Variants in ZNF831 observed in about 807,000 individuals in gnomAD.
The protein encoded by ZNF831 is zinc finger protein 831, also known as chromosome 20 open reading frame 174.
A neutral mutation model predicts 95.8 loss-of-function variants in ZNF831; 59 were observed. The ratio of observed to expected loss-of-function variants is 0.62; its 90% CI spans 0.50 to 0.77. ZNF831 has a LOEUF of 0.77. Ranked by LOEUF, ZNF831 falls within the 30% of genes least tolerant of loss-of-function variation. The pLI, the probability that ZNF831 is intolerant of heterozygous loss-of-function variation, is 0.00. For synonymous variants in ZNF831, 961 were observed against 925.5 expected, an observed-to-expected ratio of 1.04 and a Z score of -0.70; for missense variants, 2,205 against 2,164.0, an observed-to-expected ratio of 1.02 and a Z score of -0.38.
chr20:59,194,580 C>A lies in ZNF831; in HGVS notation c.3561C>A (p.Cys1187Ter), dbSNP rs2146601790. ...LKAEPRLTWC[C>*]LSRSVPLPAE... ...CTGAGCCGCGGCTCACGTGGTGTTGCCTGAGCCGCAGTGTCCCTCTGCCCG... is the reference window on the plus strand; with the variant it reads ...CTGAGCCGCGGCTCACGTGGTGTTGACTGAGCCGCAGTGTCCCTCTGCCCG... The change falls in exon 2 of 6, where the codon TGC becomes TGA. Residue 1187 changes from cysteine (C) to a stop codon, truncating the protein, a stop_gained. Transcript: ENST00000371030. LOFTEE classifies it high-confidence loss of function. 1 of 1,609,446 alleles carries A rather than the reference C, an allele frequency of 6.2e-7. No homozygotes were observed. Among genetic ancestry groups the A allele is most frequent in the Non-Finnish European group, 8.5e-7 (1 of 1,177,566 alleles).
chr20:59,178,000 T>C (rs1215305216), intron 1 of ZNF831, among the ~76,000 whole-genome samples: 1 of 152,202 alleles, frequency 6.6e-6, no homozygotes, highest in Non-Finnish European at 1.5e-5. Flanking sequence ...AGTTTTTCTT[T>C]TGGTTTTGAA....
intron 4 of ZNF831, among the ~76,000 whole-genome samples, chr20:59,231,720 C>A (rs1986732663): frequency 6.6e-6 from 1 of 152,180 alleles, no homozygotes; most frequent in African/African-American, 2.4e-5. Context: ...TCTGCACTTT[C>A]TCCCCACTGT....
At chr20:59,137,859 T>C (rs565788090) in intron 1 of ZNF831, among the ~76,000 whole-genome samples, 2 of 152,332 alleles carry the variant, frequency 1.3e-5, no homozygotes, top group Non-Finnish European at 2.9e-5. Context: ...TCCTGTGTCA[T>C]TTCTGCACCC....
intron 1 of ZNF831, among the ~76,000 whole-genome samples, chr20:59,165,187 G>C (rs1163372393): frequency 3.3e-5 from 5 of 152,146 alleles, no homozygotes; most frequent in Non-Finnish European, 2.9e-5. Context: ...ATGTGAGCAG[G>C]GTTACCCAAA....
Position 59,256,092 on chromosome 20 carries a change from A to G in ZNF831, c.*1349A>G, listed in dbSNP as rs140678427. 6.6e-6 allele frequency: 1 copy of G among 152,230 alleles called. No individual in the cohort carries two copies. The highest frequency in any genetic ancestry group is 1.5e-5 in the Non-Finnish European group (1 of 68,038). The allele number at this position is 152,230 out of a possible 1,614,324, so 9.4% of individuals were successfully genotyped here. On this transcript the variant is annotated 3_prime_UTR_variant, in exon 6 of 6. Coordinates refer to ENST00000371030, the MANE Select transcript of ZNF831 (RefSeq NM_178457.3). The stretch of plus-strand genomic sequence containing the variant: ...AGCTCTTTTGGTGTAACTTTGATGT[A>G]ATGATGTTCATATGACATCTTGTAC...
intron 4 of ZNF831, among the ~76,000 whole-genome samples, chr20:59,226,927 C>T (rs1986465413): frequency 6.6e-6 from 1 of 152,120 alleles, no homozygotes; most frequent in South Asian, 2.1e-4. Context: ...TAGCCATAAG[C>T]ACCCATTCAC....
At position 59,255,789 on chromosome 20, in the gene ZNF831, T is replaced by A. The variant is rs577338663; in HGVS notation, c.*1046T>A. On this transcript the variant is annotated 3_prime_UTR_variant, in exon 6 of 6. Coordinates refer to ENST00000371030, the MANE Select transcript of ZNF831 (RefSeq NM_178457.3). Reference sequence around the variant, plus strand: ...ATCTCGGTAATTTTATTTTCGGGGCTTAGTGTTACTTTGCTGTCAAATTAA... The same window carrying A: ...ATCTCGGTAATTTTATTTTCGGGGCATAGTGTTACTTTGCTGTCAAATTAA... The A allele has an allele frequency of 6.6e-6, 1 of 152,200 alleles. No individual in the cohort carries two copies. The allele number at this position is 152,200 out of a possible 1,614,324, so 9.4% of individuals were successfully genotyped here.
chr20:59,147,732 T>C (rs1255975227), intron 2 of ZNF831, among the ~76,000 whole-genome samples: 1 of 152,230 alleles, frequency 6.6e-6, no homozygotes, highest in Non-Finnish European at 1.5e-5. Flanking sequence ...AGGCAAAGTG[T>C]AATATGTTAG....
At chr20:59,238,303 G>T (rs1408939910) in intron 4 of ZNF831, among the ~76,000 whole-genome samples, 1 of 152,084 alleles carries the variant, frequency 6.6e-6, no homozygotes, top group East Asian at 1.9e-4. Flanking sequence ...CACTAAACTG[G>T]TTACCTCTGA....
chr20:59,144,485 GACAATTAAAAATGTCCTCA>G (rs1568723907), intron 1 of ZNF831, among the ~76,000 whole-genome samples: 1 of 152,132 alleles, frequency 6.6e-6, no homozygotes, highest in African/African-American at 2.4e-5. Context: ...CCCTAGTTAT[GACAATTAAAAATGTCCTCA>G]GACATTACCC....
intron 2 of ZNF831, among the ~76,000 whole-genome samples, chr20:59,156,689 G>C (rs11905819): frequency 0.024 from 3,715 of 152,044 alleles, 121 homozygotes; most frequent in African/African-American, 0.081. Context: ...CTACTCCCTG[G>C]TGATCACCGC....
intron 1 of ZNF831, among the ~76,000 whole-genome samples, chr20:59,171,477 A>G (rs1049762183): frequency 6.6e-6 from 1 of 152,146 alleles, no homozygotes; most frequent in Non-Finnish European, 1.5e-5. Flanking sequence ...CTGTATTTCC[A>G]CCTAACAAGA....
intron 1 of ZNF831, among the ~76,000 whole-genome samples, chr20:59,138,055 C>T (rs939830198): frequency 5.9e-5 from 9 of 152,178 alleles, no homozygotes; most frequent in Non-Finnish European, 1.3e-4. Context: ...AATGCTGAGA[C>T]ACAGTAATGT....
At chr20:59,139,114 T>C (rs1240108461) in intron 1 of ZNF831, among the ~76,000 whole-genome samples, 1 of 152,236 alleles carries the variant, frequency 6.6e-6, no homozygotes, top group African/African-American at 2.4e-5. Flanking sequence ...TCTGTAATTT[T>C]GTCATTTGGA....
At chr20:59,204,662 T>C (rs913869366) in intron 3 of ZNF831, among the ~76,000 whole-genome samples, 4 of 152,222 alleles carry the variant, frequency 2.6e-5, no homozygotes, top group African/African-American at 4.8e-5. Context: ...TTGGGTCTAC[T>C]GTCCTTCCCT....
intron 4 of ZNF831, among the ~76,000 whole-genome samples, chr20:59,221,534 C>A (rs1227871150): frequency 6.6e-6 from 1 of 152,226 alleles, no homozygotes; most frequent in Non-Finnish European, 1.5e-5. Context: ...TTGCTTCCTG[C>A]AGTAGCATTT....
chr20:59,193,780 A>T lies in ZNF831; in HGVS notation c.2761A>T (p.Thr921Ser). Residue 921 changes from threonine (T) to serine (S), a missense_variant, in exon 2 of 6, where the codon ACC becomes TCC. Thr to Ser is a moderately conservative substitution (Grantham distance 58). Coordinates refer to ENST00000371030, the MANE Select transcript of ZNF831 (RefSeq NM_178457.3). ...PAPAEHPSLA[T>S]PPQAPRVLSA... The stretch of plus-strand genomic sequence containing the variant: ...CCCCGCAGAGCACCCCTCGCTGGCC[A>T]CCCCACCTCAGGCTCCTAGAGTGCT... 1.2e-6 allele frequency: 2 copies of T among 1,606,590 alleles called. No homozygotes were observed.
At chr20:59,239,677 T>C (rs948292049) in intron 4 of ZNF831, among the ~76,000 whole-genome samples, 1 of 151,902 alleles carries the variant, frequency 6.6e-6, no homozygotes. Flanking sequence ...CCCGAGTAGC[T>C]GGGATTACAG....
At position 59,195,871 on chromosome 20, in the gene ZNF831, C is replaced by T. The variant is rs749927966; in HGVS notation, c.3741C>T (p.Phe1247=). 6 of 1,611,478 alleles carry T rather than the reference C, an allele frequency of 3.7e-6. No homozygotes were observed. In the African/African-American group the frequency reaches 6.7e-5, roughly 18 times the overall value. The part of the protein sequence containing the change: ...GEGGPAQMSK[F]SYPTVPGVMP... ...GCCAACATGCTTGGTGTTTTCAGTT[C>T]TCCTACCCAACAGTCCCAGGGGTGA... Residue 1247 remains phenylalanine (F), a splice_region_variant and synonymous_variant, in exon 3 of 6, where the codon TTC becomes TTT. Transcript: ENST00000371030.
Sources: allele counts gnomAD v4.1 joint callset (sites outside exome capture counted in the v4.1 genomes callset), GRCh38; gene constraint gnomAD v4.1.1; transcripts MANE v1.5; gene names NCBI Gene and HGNC (gene_info 2026-07-23, HGNC 2026-07-21).